Variants in TRIP6 observed in about 807,000 individuals in gnomAD.
TRIP6 encodes thyroid receptor-interacting protein 6.
TRIP6 carries 33 observed loss-of-function variants against 51.9 expected under a neutral mutation model. That is an observed-to-expected ratio of 0.64 (90% CI 0.48 to 0.85). The LOEUF (loss-of-function observed/expected upper bound fraction) is 0.85, where lower values mean the gene tolerates loss of function less well. TRIP6 is among the 40% of genes least tolerant of loss of function. TRIP6 has a pLI of 0.00. For missense variants in TRIP6, 661 were observed against 652.1 expected, an observed-to-expected ratio of 1.01 and a Z score of -0.15; for synonymous variants, 255 against 275.8, an observed-to-expected ratio of 0.92 and a Z score of 0.75.
chr7:100,868,214 C>T lies in TRIP6; in HGVS notation c.344C>T (p.Ser115Leu). 6.2e-7 allele frequency: 1 copy of T among 1,608,432 alleles called. No homozygotes were observed. The highest frequency in any genetic ancestry group is 8.5e-7 in the Non-Finnish European group (1 of 1,177,232). The change falls in exon 3 of 9, where the codon TCA becomes TTA. Residue 115 changes from serine to leucine, a missense_variant. Transcript: ENST00000200457. ...CTGAATGGGGGTCGGGGTCATGCGT[C>T]ACGGCGACCAGACCGACAGGTGACT... ...AELNGGRGHA[S>L]RRPDRQAYEP...
At position 100,868,581 on chromosome 7, in the gene TRIP6, G is replaced by C. The variant is rs1221539721; in HGVS notation, c.450G>C (p.Gly150=). ...CGCCGCTCCCAGCGTCTCCCTATGG[G>C]GGCCCCACTCCAGCCTCTTACACTA... ...PASPLPASPY[G]GPTPASYTTA... Residue 150 remains glycine (G), a synonymous_variant, in exon 4 of 9, where the codon GGG becomes GGC. Coordinates refer to ENST00000200457, the MANE Select transcript of TRIP6 (RefSeq NM_003302.3). 6.2e-7 allele frequency: 1 copy of C among 1,613,022 alleles called. No homozygotes were observed.
chr7:100,872,545 C>T (rs1334108399), intron 7 of TRIP6, 79 bp from the exon 8 acceptor site: 2 of 1,583,912 alleles, frequency 1.3e-6, no homozygotes, highest in Non-Finnish European at 1.7e-6. Flanking sequence ...CCCTCCTGTG[C>T]CCCACCTTCT....
In TRIP6 at chr7:100,870,435, G is replaced by A. The variant is rs1373462977; in HGVS notation, c.801G>A (p.Met267Ile). The change falls in exon 5 of 9, where the codon ATG becomes ATA. Residue 267 changes from methionine to isoleucine, a missense_variant. Transcript: ENST00000200457. ...DRLTKKLVHD[M>I]NHPPSGEYFG... is the part of the protein sequence containing the mutation. ...TGACGAAGAAGCTGGTTCACGACAT[G>A]AACCACCCGCCCAGCGGGGAGTACT... 1.9e-6 allele frequency: 3 copies of A among 1,596,490 alleles called. No homozygotes were observed. In the South Asian group the frequency reaches 3.3e-5, roughly 18 times the overall value.
chr7:100,871,896 C>T (rs951666797), intron 7 of TRIP6, among the ~76,000 whole-genome samples, 175 bp downstream of exon 7: 2 of 152,184 alleles, frequency 1.3e-5, no homozygotes, highest in African/African-American at 4.8e-5. Flanking sequence ...AGTGCAATGG[C>T]ATGATCATAG....
At position 100,867,417 on chromosome 7, in the gene TRIP6, C is replaced by T. The variant is rs1815160386; in HGVS notation, c.-81C>T. ...AAGTTTTCTTTTCTGGAGTCCCAAA[C>T]GAGGTGCGGGACGGAAGAGGGGGTG... On this transcript the variant is annotated 5_prime_UTR_variant, in exon 1 of 9. The change creates a new upstream start codon in the 5' untranslated region. Transcript: ENST00000200457. The surrounding 1 kb of genome is among the most constrained non-coding windows in gnomAD (Gnocchi z 5.4). The T allele has an allele frequency of 9.4e-7, 1 of 1,068,478 alleles. No individual in the cohort carries two copies. The allele number at this position is 1,068,478 out of a possible 1,614,324, so 66.2% of individuals were successfully genotyped here. A position where few individuals can be genotyped will look rare whatever the true frequency, so the allele number is the denominator to read the frequency against.
chr7:100,868,645 G>A lies in TRIP6; in HGVS notation c.514G>A (p.Val172Met), dbSNP rs1414584958. The part of the protein sequence containing the change: ...TPAGPAFPVQ[V>M]KVAQPVRGCG... ...GGCTGGCCCAGCCTTCCCCGTGCAA[G>A]TGAAGGTGGCACAGCCAGTGAGGGG... Residue 172 changes from valine to methionine, a missense_variant, in exon 4 of 9, where the codon GTG (valine) becomes ATG (methionine). Val to Met is a conservative substitution (Grantham distance 21). Transcript: ENST00000200457. 1.2e-6 allele frequency: 2 copies of A among 1,611,534 alleles called. No homozygotes were observed. The highest frequency in any genetic ancestry group is 3.3e-5 in the Admixed American group (2 of 59,912).
chr7:100,869,376 T>G (rs1815220903), intron 4 of TRIP6, among the ~76,000 whole-genome samples: 1 of 148,338 alleles, frequency 6.7e-6, no homozygotes, highest in African/African-American at 2.5e-5. Context: ...CTCATGCCTG[T>G]AATCCCAGCA....
intron 4 of TRIP6, 82 bp from the exon 5 acceptor site, chr7:100,870,288 A>C: frequency 7.1e-7 from 1 of 1,412,548 alleles, no homozygotes; most frequent in South Asian, 1.2e-5. Flanking sequence ...AGTTCCTAAC[A>C]GGCCATGGCC....
rs999511124 is a variant in TRIP6 at position 100,868,090 on chromosome 7, C to T, written c.238-18C>T. ...CCTATGGTGATTTGCATTCTTCCTG[C>T]CCTGGCTCCATCCTCAGGGGCTCCC... is the stretch of plus-strand genomic sequence containing the variant. On this transcript the variant is annotated intron_variant, in intron 2 of 8. Transcript: ENST00000200457. 3.1e-6 allele frequency: 5 copies of T among 1,612,324 alleles called. No homozygotes were observed. The highest frequency in any genetic ancestry group is 1.7e-5 in the Admixed American group (1 of 59,772).
Position 100,868,122 on chromosome 7 carries a change from CAG to C in TRIP6, c.253_254del (p.Arg85GlyfsTer39), listed in dbSNP as rs1491499382. The C allele has an allele frequency of 2.5e-5, 41 of 1,612,876 alleles. No homozygotes were observed. The highest frequency in any genetic ancestry group is 8.8e-5 in the South Asian group (8 of 91,040). ...LQHTQGLPAD[R>X]GGLRPGSLDA... ...TCCATCCTCAGGGGCTCCCTGCAGA[CAG>C]GGGGGGCCTTCGCCCTGGAAGCCTG... On this transcript the variant is annotated frameshift_variant, in exon 3 of 9. Transcript: ENST00000200457. LOFTEE classifies it high-confidence loss of function.
Position 100,867,760 on chromosome 7 carries a change from T to A in TRIP6, c.110-101T>A. The A allele has an allele frequency of 6.6e-7, 1 of 1,507,812 alleles. No homozygotes were observed. The highest frequency in any genetic ancestry group is 1.4e-5 in the African/African-American group (1 of 70,292). 93.4% of individuals were successfully genotyped at this position (1,507,812 alleles called of 1,614,324 possible). ...CCTGCGCTCTCTTGGGACCCTAGAT[T>A]TGGGGGAGGAGGTAACGAGAGGCGG... On this transcript the variant is annotated intron_variant, in intron 1 of 8. Transcript: ENST00000200457. The surrounding 1 kb of genome is among the most constrained non-coding windows in gnomAD (Gnocchi z 5.4).
Position 100,868,626 on chromosome 7 carries a change from C to T in TRIP6, c.495C>T (p.Gly165=), listed in dbSNP as rs548658866. The change falls in exon 4 of 9, where the codon GGC becomes GGT. Residue 165 remains glycine (G), a synonymous_variant. Transcript: ENST00000200457. The part of the protein sequence containing the change: ...ASYTTASTPA[G]PAFPVQVKVA... Reference sequence around the variant, plus strand: ...ACACTACCGCCAGCACCCCGGCTGGCCCAGCCTTCCCCGTGCAAGTGAAGG... The same window carrying T: ...ACACTACCGCCAGCACCCCGGCTGGTCCAGCCTTCCCCGTGCAAGTGAAGG... The T allele has an allele frequency of 1.2e-4, 194 of 1,612,208 alleles. No homozygotes were observed. The highest frequency in any genetic ancestry group is 3.0e-4 in the Admixed American group (18 of 59,942).
Position 100,867,996 on chromosome 7 carries a change from C to T in TRIP6, c.237+8C>T, listed in dbSNP as rs1460450643. The stretch of plus-strand genomic sequence containing the variant: ...GTACTCCAGCACACGCAGGTGAGAC[C>T]CGGGATCGTGGGGTGGGACATGTGG... On this transcript the variant is annotated splice_region_variant and intron_variant, in intron 2 of 8. Transcript: ENST00000200457. This position sits in a 1 kb window ranked among gnomAD's most constrained non-coding sequence, Gnocchi z 5.4. 1 of 1,515,038 alleles carries T rather than the reference C, an allele frequency of 6.6e-7. No homozygotes were observed. Among genetic ancestry groups the T allele is most frequent in the African/African-American group, 1.4e-5 (1 of 71,346 alleles). The allele number at this position is 1,515,038 out of a possible 1,614,324, so 93.8% of individuals were successfully genotyped here. A position where few individuals can be genotyped will look rare whatever the true frequency, so the allele number is the denominator to read the frequency against.
At chr7:100,870,349 A>C (rs753674818) in intron 4 of TRIP6, 21 bp from the exon 5 acceptor site, 48 of 1,302,400 alleles carry the variant, frequency 3.7e-5, no homozygotes, top group Non-Finnish European at 4.9e-5. Flanking sequence ...AGTAGGACCG[A>C]GCCCGATTCC....
At chr7:100,871,245 G>A in intron 6 of TRIP6, 1 of 505,606 alleles carries the variant, frequency 2.0e-6, no homozygotes, top group East Asian at 3.7e-5. Context: ...ATGTTGGCCA[G>A]GCTGTTTTGA....
chr7:100,867,781 G>T lies in TRIP6; in HGVS notation c.110-80G>T. On this transcript the variant is annotated intron_variant, in intron 1 of 8. Coordinates refer to ENST00000200457, the MANE Select transcript of TRIP6 (RefSeq NM_003302.3). The surrounding 1 kb of genome is among the most constrained non-coding windows in gnomAD (Gnocchi z 5.4). ...AGATTTGGGGGAGGAGGTAACGAGA[G>T]GCGGAGAGGGTGGCTCCTCAAATAT... 1 of 1,515,056 alleles carries T rather than the reference G, an allele frequency of 6.6e-7. No individual in the cohort carries two copies. Among genetic ancestry groups the T allele is most frequent in the South Asian group, 1.3e-5 (1 of 74,880 alleles). The allele number at this position is 1,515,056 out of a possible 1,614,324, so 93.9% of individuals were successfully genotyped here. A position where few individuals can be genotyped will look rare whatever the true frequency, so the allele number is the denominator to read the frequency against.
chr7:100,871,305 C>G, intron 6 of TRIP6: 1 of 582,980 alleles, frequency 1.7e-6, no homozygotes, highest in Non-Finnish European at 3.1e-6. Context: ...AAAGTGCTGG[C>G]ATTACAGGCG....
chr7:100,869,761 C>T (rs1815229901), intron 4 of TRIP6, among the ~76,000 whole-genome samples: 1 of 143,234 alleles, frequency 7.0e-6, no homozygotes. Context: ...ATCTTTTTGG[C>T]ACCAGGGACC....
chr7:100,867,553 A>T lies in TRIP6; in HGVS notation c.56A>T (p.Gln19Leu). ...PKQPEPARAP[Q>L]GRAIPRGTPG... ...CAGCCGGAGCCCGCCAGAGCCCCTC[A>T]GGGGAGGGCGATCCCCCGCGGCACC... The change falls in exon 1 of 9, where the codon CAG (glutamine) becomes CTG (leucine). Residue 19 changes from glutamine to leucine, a missense_variant. Physicochemically the swap from Gln to Leu is moderately radical, Grantham distance 113. Transcript: ENST00000200457. The surrounding 1 kb of genome is among the most constrained non-coding windows in gnomAD (Gnocchi z 5.4). 1 of 1,539,958 alleles carries T rather than the reference A, an allele frequency of 6.5e-7. No homozygotes were observed.
Sources: allele counts gnomAD v4.1 joint callset (sites outside exome capture counted in the v4.1 genomes callset), GRCh38; gene constraint gnomAD v4.1.1; non-coding constraint Gnocchi (gnomAD v3.1); transcripts MANE v1.5; gene names NCBI Gene and HGNC (gene_info 2026-07-23, HGNC 2026-07-21).